The following TENM2 variants were observed in gnomAD, a reference collection of about 807,000 sequenced individuals.
TENM2 encodes teneurin-2.
Under a neutral mutation model 245.2 loss-of-function variants are expected in TENM2, and 52 were observed. That is an observed-to-expected ratio of 0.21 (90% CI 0.17 to 0.27). TENM2 has a LOEUF of 0.27. Among genes scored for constraint, TENM2 ranks in the 10% least tolerant of loss-of-function variants. The pLI is 1.00. For missense variants in TENM2, 3,046 were observed against 3,666.8 expected (o/e 0.83, Z 4.37); for synonymous variants, 1,363 against 1,438.9 (o/e 0.95, Z 1.19).
At chr5:167,401,446 T>C (rs544139501) in intron 2 of TENM2, among the ~76,000 whole-genome samples, 2 of 152,320 alleles carry the variant, frequency 1.3e-5, no homozygotes, top group South Asian at 2.1e-4. Flanking sequence ...AGTAAGATTC[T>C]CATAATTTAT....
chr5:167,719,689 T>A (rs1431022252), intron 2 of TENM2, among the ~76,000 whole-genome samples: 2 of 152,166 alleles, frequency 1.3e-5, no homozygotes, highest in African/African-American at 2.4e-5. Flanking sequence ...ACTGAGCAGA[T>A]CCTCCAGAAC....
intron 2 of TENM2, among the ~76,000 whole-genome samples, chr5:167,651,531 C>T (rs183573859): frequency 7.2e-6 from 1 of 139,818 alleles, no homozygotes; most frequent in Non-Finnish European, 1.5e-5. Flanking sequence ...TATTTTGTAC[C>T]TGTAGTAATA....
At chr5:167,304,403 C>G (rs1273148766) in intron 1 of TENM2, among the ~76,000 whole-genome samples, 2 of 152,212 alleles carry the variant, frequency 1.3e-5, no homozygotes, top group African/African-American at 4.8e-5. Flanking sequence ...CAGTCTCAGC[C>G]TCTCCTTTCA....
chr5:167,175,583 A>G, the TENM2 span, among the ~76,000 whole-genome samples: 1 of 152,182 alleles, frequency 6.6e-6, no homozygotes, highest in Non-Finnish European at 1.5e-5. Context: ...TCTGTCTTCA[A>G]TGTTTCCCCT....
chr5:167,941,749 A>G (rs139654776), intron 3 of TENM2, among the ~76,000 whole-genome samples: 26 of 151,152 alleles, frequency 1.7e-4, no homozygotes, highest in Admixed American at 5.9e-4. Context: ...ACCTACTTGG[A>G]AGACTTAGTC....
At chr5:167,472,321 A>G (rs938176303) in intron 2 of TENM2, among the ~76,000 whole-genome samples, 1 of 152,240 alleles carries the variant, frequency 6.6e-6, no homozygotes, top group East Asian at 1.9e-4. Flanking sequence ...ATTGGAAATT[A>G]TAGCCAGTGT....
chr5:167,966,401 C>T lies in TENM2; in HGVS notation c.947+13579C>T, dbSNP rs1334000304. Among the ~76,000 whole-genome samples the T allele has an allele frequency of 2.0e-5, 3 of 152,162 alleles. No homozygotes were observed. In the East Asian group the frequency reaches 5.8e-4, roughly 29 times the overall value. On this transcript the variant is annotated intron_variant, in intron 4 of 28. Coordinates refer to ENST00000518659, the Ensembl canonical transcript of TENM2. The stretch of plus-strand genomic sequence containing the variant: ...CATCCCTTGAATATCATCCTTGTTC[C>T]TGTTAGCAGGAAGCATGACAAGTGC...
chr5:168,154,686 C>G (rs1756995495), intron 12 of TENM2, among the ~76,000 whole-genome samples: 1 of 152,166 alleles, frequency 6.6e-6, no homozygotes, highest in Admixed American at 6.5e-5. Context: ...AACATGCAGC[C>G]TAGACAGCTG....
At chr5:167,033,092 GA>G in the TENM2 span, among the ~76,000 whole-genome samples, 13 of 152,136 alleles carry the variant, frequency 8.5e-5, no homozygotes, top group Non-Finnish European at 2.9e-5. Flanking sequence ...AGGTTTGCTG[GA>G]ATAATTTTCT....
intron 2 of TENM2, among the ~76,000 whole-genome samples, chr5:167,761,044 G>A (rs778271343): frequency 6.6e-6 from 1 of 152,012 alleles, no homozygotes; most frequent in Non-Finnish European, 1.5e-5. Flanking sequence ...CCAGGTCTAC[G>A]GGTGACTAAG....
intron 2 of TENM2, among the ~76,000 whole-genome samples, chr5:167,489,392 T>C (rs1428477088): frequency 6.6e-6 from 1 of 152,100 alleles, no homozygotes; most frequent in East Asian, 1.9e-4. Flanking sequence ...TATGTTACTT[T>C]CTGTTCTCTC....
chr5:167,637,542 T>C (rs562524754), intron 2 of TENM2, among the ~76,000 whole-genome samples: 51 of 152,324 alleles, frequency 3.3e-4, no homozygotes, highest in African/African-American at 1.2e-3. Flanking sequence ...GCAGCACAAT[T>C]TGCAATAGCA....
At chr5:167,030,147 G>T in the TENM2 span, among the ~76,000 whole-genome samples, 1 of 152,108 alleles carries the variant, frequency 6.6e-6, no homozygotes, top group Non-Finnish European at 1.5e-5. Flanking sequence ...CCTTTTTACT[G>T]TTCTGTATCA....
chr5:168,012,774 G>GAAAAAAAA (rs3056563), intron 5 of TENM2, among the ~76,000 whole-genome samples: 8 of 74,276 alleles, frequency 1.1e-4, no homozygotes, highest in African/African-American at 2.6e-4. Flanking sequence ...AAGAACAACT[G>GAAAAAAAA]AAAAAAAAAA....
In TENM2 at chr5:168,052,726, G is replaced by T. The variant is rs529152880; in HGVS notation, c.1309+5177G>T. Among the ~76,000 whole-genome samples the T allele has an allele frequency of 2.0e-5, 3 of 151,948 alleles. No individual in the cohort carries two copies. The South Asian group carries it at 6.3e-4, about 32-fold the overall frequency. The stretch of plus-strand genomic sequence containing the variant: ...TCACTGGAGCTTGAGTTCCATCATT[G>T]CCAGCCTGTCTGTTTTAAGCCCTAC... On this transcript the variant is annotated intron_variant, in intron 6 of 28. Transcript: ENST00000518659.
chr5:167,525,308 A>G lies in TENM2; in HGVS notation c.502+149835A>G, dbSNP rs535535422. ...TGATGACGTATTTTAATGTTAAGAAATAATATTTTGACCAATATCCAAATG... is the reference window on the plus strand; with the variant it reads ...TGATGACGTATTTTAATGTTAAGAAGTAATATTTTGACCAATATCCAAATG... On this transcript the variant is annotated intron_variant, in intron 2 of 28. Transcript: ENST00000518659. 3.9e-5 allele frequency among the ~76,000 whole-genome samples: 6 copies of G among 152,296 alleles called. No homozygotes were observed. In the South Asian group the frequency reaches 1.2e-3, roughly 32 times the overall value.
chr5:167,717,314 A>G (rs1454839492), intron 2 of TENM2, among the ~76,000 whole-genome samples: 3 of 152,156 alleles, frequency 2.0e-5, no homozygotes, highest in African/African-American at 7.2e-5. Flanking sequence ...TGACCTTGGC[A>G]TTCAATTAAG....
At chr5:167,665,933 A>G (rs553274411) in intron 2 of TENM2, among the ~76,000 whole-genome samples, 1 of 152,332 alleles carries the variant, frequency 6.6e-6, no homozygotes, top group East Asian at 1.9e-4. Context: ...CTGCAAGCAG[A>G]TAATACAAGA....
At chr5:167,058,553 A>G in the TENM2 span, among the ~76,000 whole-genome samples, 1 of 152,134 alleles carries the variant, frequency 6.6e-6, no homozygotes, top group East Asian at 1.9e-4. Context: ...GAAGCCAGGA[A>G]TTTGAGACCT....
Sources: allele counts gnomAD v4.1 joint callset (sites outside exome capture counted in the v4.1 genomes callset), GRCh38; gene constraint gnomAD v4.1.1; transcripts MANE v1.5; gene names NCBI Gene and HGNC (gene_info 2026-07-23, HGNC 2026-07-21).